NTM: variants seen among roughly 807,000 people sequenced by gnomAD.
The protein encoded by NTM is IgLON family member 2.
Under a neutral mutation model 42.1 loss-of-function variants are expected in NTM, and 13 were observed. That is an observed-to-expected ratio of 0.31 (90% CI 0.20 to 0.49). The LOEUF (loss-of-function observed/expected upper bound fraction) is 0.49, where lower values mean the gene tolerates loss of function less well. NTM is among the 20% of genes least tolerant of loss of function. The probability of loss-of-function intolerance (pLI) is 0.99; values close to 1 mark genes in which losing one functional copy is unlikely to be tolerated. For synonymous variants in NTM, 187 were observed against 179.2 expected (o/e 1.04, Z -0.35); for missense variants, 373 against 452.8 (o/e 0.82, Z 1.60).
intron 1 of NTM, among the ~76,000 whole-genome samples, chr11:131,906,165 TTAAC>T (rs965511243): frequency 2.6e-5 from 4 of 152,272 alleles, no homozygotes; most frequent in East Asian, 3.9e-4. Flanking sequence ...TGCTGGTTGA[TTAAC>T]TAATTTGAGT....
intron 1 of NTM, among the ~76,000 whole-genome samples, chr11:131,608,298 G>A (rs938156667): frequency 3.3e-5 from 5 of 152,090 alleles, no homozygotes; most frequent in Admixed American, 2.6e-4. Flanking sequence ...GTCTACCATC[G>A]TTGGACATTT....
rs1202092898 is a variant in NTM at position 131,681,519 on chromosome 11, CTG to C, written c.83-230039_83-230038del. ...TGTGTGTGAGCATGTGTTTCTGTGT[CTG>C]TGTGTATGTCTCCCTGTGTATGTGA... On this transcript the variant is annotated intron_variant, in intron 1 of 8. Coordinates refer to ENST00000683400, the MANE Select transcript of NTM (RefSeq NM_001352005.2). 1.1e-3 allele frequency among the ~76,000 whole-genome samples: 47 copies of C among 43,626 alleles called. 6 individuals carry two copies. The highest frequency in any genetic ancestry group is 3.2e-3 in the African/African-American group (47 of 14,848). The allele number at this position is 43,626 out of a possible 152,430, so 28.6% of individuals were successfully genotyped here. A position where few individuals can be genotyped will look rare whatever the true frequency, so the allele number is the denominator to read the frequency against.
chr11:131,453,815 C>T (rs80181642), intron 1 of NTM, among the ~76,000 whole-genome samples: 1 of 84,694 alleles, frequency 1.2e-5, no homozygotes, highest in South Asian at 3.5e-4. Flanking sequence ...TGTGATAACT[C>T]CAACATCCAC....
intron 2 of NTM, among the ~76,000 whole-genome samples, chr11:132,025,812 T>C (rs1323375835): frequency 2.6e-5 from 4 of 152,208 alleles, no homozygotes; most frequent in African/African-American, 9.7e-5. Context: ...TATGGCTCCA[T>C]TGGCACTTAC....
At chr11:132,023,722 T>G (rs2074719205) in intron 2 of NTM, among the ~76,000 whole-genome samples, 1 of 151,916 alleles carries the variant, frequency 6.6e-6, no homozygotes, top group Non-Finnish European at 1.5e-5. Context: ...TTGGTTTTGT[T>G]GTTGTTGTTG....
At chr11:132,314,984 A>AAAGGAAAATGAAAAAGAATGTTC (rs1201941533) in intron 7 of NTM, 67 of 1,168,164 alleles carry the variant, frequency 5.7e-5, no homozygotes, top group Admixed American at 4.6e-5. Context: ...AGAAGTGGGA[A>AAAGGAAAATGAAAAAGAATGTTC]AAGGAAAATG....
intron 4 of NTM, among the ~76,000 whole-genome samples, chr11:132,258,976 T>A (rs1341032620): frequency 2.0e-5 from 3 of 152,214 alleles, no homozygotes; most frequent in Non-Finnish European, 4.4e-5. Flanking sequence ...TTCCATAAGT[T>A]TCCTATTTGT....
At chr11:132,195,195 G>A (rs1192070800) in intron 3 of NTM, among the ~76,000 whole-genome samples, 4 of 151,824 alleles carry the variant, frequency 2.6e-5, no homozygotes, top group Non-Finnish European at 5.9e-5. Flanking sequence ...TCTCAATTAC[G>A]ATAGCCACAA....
At chr11:131,472,682 A>C (rs1413956009) in intron 1 of NTM, among the ~76,000 whole-genome samples, 1 of 152,214 alleles carries the variant, frequency 6.6e-6, no homozygotes, top group Non-Finnish European at 1.5e-5. Flanking sequence ...GGGTAAGTGT[A>C]AAAAAGCTGA....
At chr11:131,652,766 A>G (rs2066660803) in intron 1 of NTM, among the ~76,000 whole-genome samples, 3 of 152,216 alleles carry the variant, frequency 2.0e-5, no homozygotes, top group Non-Finnish European at 4.4e-5. Context: ...CAATGAGAAT[A>G]GACACAATAG....
At chr11:131,556,613 G>A (rs917876451) in intron 1 of NTM, among the ~76,000 whole-genome samples, 4 of 146,254 alleles carry the variant, frequency 2.7e-5, no homozygotes, top group Admixed American at 7.0e-5. Flanking sequence ...TGTCAGCCAG[G>A]CTAGAGTGCA....
At chr11:131,591,491 C>T (rs910323214) in intron 1 of NTM, among the ~76,000 whole-genome samples, 1 of 152,214 alleles carries the variant, frequency 6.6e-6, no homozygotes, top group African/African-American at 2.4e-5. Context: ...TGCTGAGATT[C>T]GTCCCATCTG....
At chr11:132,176,408 A>C (rs1450122891) in intron 3 of NTM, among the ~76,000 whole-genome samples, 1 of 152,152 alleles carries the variant, frequency 6.6e-6, no homozygotes, top group East Asian at 1.9e-4. Flanking sequence ...TCATCTCAAT[A>C]GCAGATGAAG....
intron 1 of NTM, among the ~76,000 whole-genome samples, chr11:131,666,794 A>G (rs2069134426): frequency 6.6e-6 from 1 of 152,186 alleles, no homozygotes; most frequent in Non-Finnish European, 1.5e-5. Context: ...AAGGCTGATG[A>G]CACACTACCA....
At chr11:132,314,226 C>T (rs1565456420) in intron 6 of NTM, among the ~76,000 whole-genome samples, 1 of 152,170 alleles carries the variant, frequency 6.6e-6, no homozygotes, top group East Asian at 1.9e-4. Context: ...CTGTGTGAAT[C>T]GTATTGCTCT....
intron 1 of NTM, among the ~76,000 whole-genome samples, chr11:131,407,011 C>T (rs950864158): frequency 1.1e-4 from 16 of 152,206 alleles, no homozygotes; most frequent in African/African-American, 3.9e-4. Flanking sequence ...AAGATGTTCC[C>T]TTTTTGCAGT....
chr11:131,643,048 A>C (rs938414177), intron 1 of NTM, among the ~76,000 whole-genome samples: 1 of 137,998 alleles, frequency 7.2e-6, no homozygotes, highest in African/African-American at 2.9e-5. Context: ...AAGGAAAAAG[A>C]ATGAAAAAAA....
At chr11:132,333,177 T>A (rs979975022) in intron 8 of NTM, among the ~76,000 whole-genome samples, 1 of 152,078 alleles carries the variant, frequency 6.6e-6, no homozygotes. Context: ...CTCACAGTGT[T>A]GAGGCAAAAC....
At chr11:132,302,494 G>A (rs2094902813) in intron 4 of NTM, among the ~76,000 whole-genome samples, 1 of 152,176 alleles carries the variant, frequency 6.6e-6, no homozygotes, top group Non-Finnish European at 1.5e-5. Context: ...TGGGATTGGG[G>A]CCACAGGAGG....
Sources: gnomAD v4.1 joint callset for allele counts (sites outside exome capture counted in the v4.1 genomes callset) on GRCh38, gnomAD v4.1.1 for gene constraint, MANE v1.5 for transcripts, NCBI Gene and HGNC (gene_info 2026-07-23, HGNC 2026-07-21) for gene names.